CMSS1: variants seen among roughly 807,000 people sequenced by gnomAD.
The protein encoded by CMSS1 is protein CMSS1.
A neutral mutation model predicts 43.5 loss-of-function variants in CMSS1; 33 were observed. The ratio of observed to expected loss-of-function variants is 0.76; its 90% confidence interval spans 0.57 to 1.01. CMSS1 has a LOEUF of 1.01. CMSS1 is among the 50% of genes least tolerant of loss of function. The probability of loss-of-function intolerance (pLI) is 0.00; values close to 1 mark genes in which losing one functional copy is unlikely to be tolerated. For synonymous variants in CMSS1, 115 were observed against 117.2 expected (o/e 0.98, Z 0.12); for missense variants, 313 against 326.4 (o/e 0.96, Z 0.32).
intron 1 of CMSS1, among the ~76,000 whole-genome samples, chr3:99,968,485 A>C (rs1708721701): frequency 6.6e-6 from 1 of 152,074 alleles, no homozygotes. Flanking sequence ...CAGGCAGGCT[A>C]TCCAGGTAAA....
intron 1 of CMSS1, among the ~76,000 whole-genome samples, chr3:99,983,458 A>ATATG (rs771146451): frequency 6.2e-5 from 1 of 16,250 alleles, no homozygotes. Flanking sequence ...ATATATATAT[A>ATATG]TGTGTGTATA....
At chr3:100,168,914 T>C (rs1019245717) in intron 6 of CMSS1, among the ~76,000 whole-genome samples, 17 of 149,934 alleles carry the variant, frequency 1.1e-4, no homozygotes, top group South Asian at 4.2e-4. Flanking sequence ...CACATATATA[T>C]ACACACACAC....
chr3:100,135,139 A>G (rs1196846573), intron 1 of CMSS1, among the ~76,000 whole-genome samples: 1 of 152,214 alleles, frequency 6.6e-6, no homozygotes, highest in Admixed American at 6.5e-5. Flanking sequence ...ATTGGTTTCT[A>G]TTCCAAGAAT....
intron 1 of CMSS1, among the ~76,000 whole-genome samples, chr3:100,031,381 C>G (rs1043105791): frequency 1.3e-5 from 2 of 151,998 alleles, no homozygotes; most frequent in Non-Finnish European, 2.9e-5. Flanking sequence ...CTCGTTTCCA[C>G]TCATCCTGGA....
chr3:99,843,871 A>C (rs1232089602), intron 1 of CMSS1, among the ~76,000 whole-genome samples: 1 of 152,164 alleles, frequency 6.6e-6, no homozygotes, highest in Non-Finnish European at 1.5e-5. Context: ...TTAGATTCTC[A>C]TAGGAGCACG....
chr3:99,922,068 G>A (rs984084507), intron 1 of CMSS1, among the ~76,000 whole-genome samples: 11 of 152,154 alleles, frequency 7.2e-5, no homozygotes, highest in African/African-American at 2.7e-4. Context: ...CCATAAATCT[G>A]TATCATCTTG....
chr3:100,140,240 C>T (rs143770291), intron 1 of CMSS1, among the ~76,000 whole-genome samples: 90 of 151,902 alleles, frequency 5.9e-4, no homozygotes, highest in Admixed American at 1.9e-3. Flanking sequence ...TCCTCACTAT[C>T]CTTGCTTCAA....
chr3:99,951,676 C>T (rs1217687303), intron 1 of CMSS1, among the ~76,000 whole-genome samples: 1 of 152,198 alleles, frequency 6.6e-6, no homozygotes, highest in Non-Finnish European at 1.5e-5. Context: ...GGCTTGGCCA[C>T]CTTATGTCTC....
At chr3:100,088,727 T>C (rs6781780) in intron 1 of CMSS1, among the ~76,000 whole-genome samples, 1,784 of 152,236 alleles carry the variant, frequency 0.012, 23 homozygotes, top group African/African-American at 0.026. Flanking sequence ...CATATTTTCT[T>C]GTCCTTGTGC....
intron 1 of CMSS1, among the ~76,000 whole-genome samples, chr3:99,942,032 C>T (rs950589750): frequency 2.0e-5 from 3 of 151,972 alleles, no homozygotes; most frequent in Admixed American, 1.3e-4. Context: ...CTGGCTAACA[C>T]GGTGAAACTG....
chr3:99,907,749 C>G (rs1245712312), intron 1 of CMSS1, among the ~76,000 whole-genome samples: 1 of 152,022 alleles, frequency 6.6e-6, no homozygotes, highest in Non-Finnish European at 1.5e-5. Flanking sequence ...TTCTCTTTTT[C>G]TCCTTGTCTG....
At chr3:100,176,954 T>C (rs547325980) in intron 9 of CMSS1, among the ~76,000 whole-genome samples, 1 of 152,326 alleles carries the variant, frequency 6.6e-6, no homozygotes, top group African/African-American at 2.4e-5. Context: ...TATTAGCTCA[T>C]TATATATTTT....
At chr3:99,876,028 C>T in intron 1 of CMSS1, 1 of 984,982 alleles carries the variant, frequency 1.0e-6, no homozygotes, top group Non-Finnish European at 1.2e-6. Context: ...GGCTGTCTGA[C>T]AGCAGTGCCC....
chr3:99,833,347 A>G lies in CMSS1; in HGVS notation c.64+15304A>G, dbSNP rs1942764457. 24 of 1,162,898 alleles carry G rather than the reference A, an allele frequency of 2.1e-5. No homozygotes were observed. In the South Asian group the frequency reaches 2.3e-4, roughly 11 times the overall value. 72.0% of individuals were successfully genotyped at this position (1,162,898 alleles called of 1,614,324 possible). ...TGGTTTGTTTTATCCATAGATTCTC[A>G]AAAGAAACCTAGCAATCTAGAAGAC... On this transcript the variant is annotated intron_variant, in intron 1 of 9. Transcript: ENST00000421999.
At chr3:100,022,735 C>T (rs1053533734) in intron 1 of CMSS1, among the ~76,000 whole-genome samples, 8 of 152,204 alleles carry the variant, frequency 5.3e-5, no homozygotes, top group Non-Finnish European at 1.0e-4. Flanking sequence ...TCATATGTTT[C>T]CATCATTTGT....
intron 1 of CMSS1, among the ~76,000 whole-genome samples, chr3:100,123,329 C>T (rs537053423): frequency 1.1e-4 from 16 of 152,288 alleles, no homozygotes; most frequent in Non-Finnish European, 1.5e-5. Flanking sequence ...GTTCTAGGCA[C>T]TCCAGGAGGT....
chr3:99,924,560 C>T (rs1327583649), intron 1 of CMSS1: 3 of 772,868 alleles, frequency 3.9e-6, no homozygotes, highest in Middle Eastern at 3.8e-4. Context: ...CTGTCGTTGC[C>T]CAGGCTGGAG....
At chr3:100,176,456 T>C in intron 9 of CMSS1, 41 bp downstream of exon 9, 1 of 1,345,890 alleles carries the variant, frequency 7.4e-7, no homozygotes. Context: ...ATTTTTTCTC[T>C]ATTTGAACTT....
chr3:100,121,404 T>G (rs2107491971), intron 1 of CMSS1, among the ~76,000 whole-genome samples: 1 of 152,324 alleles, frequency 6.6e-6, no homozygotes, highest in South Asian at 2.1e-4. Context: ...TTCATGTCCC[T>G]GCAAAGGACA....
Sources: gnomAD v4.1 joint callset for allele counts (sites outside exome capture counted in the v4.1 genomes callset) on GRCh38, gnomAD v4.1.1 for gene constraint, MANE v1.5 for transcripts, NCBI Gene and HGNC (gene_info 2026-07-23, HGNC 2026-07-21) for gene names.